Variants in CSRNP3 observed in about 807,000 individuals in gnomAD.
The protein encoded by CSRNP3 is cysteine and serine rich nuclear protein 3.
Under a neutral mutation model 48.0 loss-of-function variants are expected in CSRNP3, and 12 were observed. That is an observed-to-expected ratio of 0.25 (90% CI 0.16 to 0.41). CSRNP3 has a LOEUF of 0.41. CSRNP3 is among the 10% of genes least tolerant of loss of function. The pLI is 1.00. For synonymous variants in CSRNP3, 263 were observed against 269.7 expected (o/e 0.98, Z 0.24); for missense variants, 580 against 724.4 (o/e 0.80, Z 2.29).
At chr2:165,622,430 A>T (rs924013677) in intron 4 of CSRNP3, among the ~76,000 whole-genome samples, 2 of 152,226 alleles carry the variant, frequency 1.3e-5, no homozygotes, top group Admixed American at 1.3e-4. Context: ...AAATAATAAT[A>T]GCTTTAGTTA....
chr2:165,490,253 A>G (rs1684184794), intron 1 of CSRNP3, among the ~76,000 whole-genome samples: 1 of 151,020 alleles, frequency 6.6e-6, no homozygotes. Context: ...GATGTGAAGG[A>G]CCTCTTCAAG....
At chr2:165,502,485 T>C (rs979885304) in intron 2 of CSRNP3, among the ~76,000 whole-genome samples, 9 of 152,102 alleles carry the variant, frequency 5.9e-5, no homozygotes, top group Non-Finnish European at 1.3e-4. Flanking sequence ...TCCACCAATA[T>C]GATTATTGCT....
chr2:165,670,933 A>G (rs767275617), intron 5 of CSRNP3, among the ~76,000 whole-genome samples: 3 of 152,242 alleles, frequency 2.0e-5, no homozygotes, highest in Non-Finnish European at 4.4e-5. Context: ...TACAGGAGAA[A>G]TGATTCAAGT....
chr2:165,636,814 A>C lies in CSRNP3; in HGVS notation c.149-20947A>C, dbSNP rs538302877. On this transcript the variant is annotated intron_variant, in intron 4 of 6. Coordinates refer to ENST00000651982, the MANE Select transcript of CSRNP3 (RefSeq NM_001172173.2). The stretch of plus-strand genomic sequence containing the variant: ...TTATTTTTTAAATAATTAGAGTATT[A>C]AGCATTAATTAGTTCATTTACTAAT... Among the ~76,000 whole-genome samples, 12 of 152,320 alleles carry C rather than the reference A, an allele frequency of 7.9e-5. No individual in the cohort carries two copies. In the South Asian group the frequency reaches 2.5e-3, roughly 32 times the overall value.
At chr2:165,492,989 A>G (rs929872722) in intron 1 of CSRNP3, among the ~76,000 whole-genome samples, 7 of 151,688 alleles carry the variant, frequency 4.6e-5, no homozygotes, top group African/African-American at 1.7e-4. Context: ...CCGACAGAAT[A>G]TGATGATACG....
intron 3 of CSRNP3, among the ~76,000 whole-genome samples, chr2:165,589,430 T>C (rs1685682291): frequency 6.6e-6 from 1 of 152,222 alleles, no homozygotes; most frequent in African/African-American, 2.4e-5. Context: ...ATTGGACAGG[T>C]ATTCTACTTC....
intron 4 of CSRNP3, among the ~76,000 whole-genome samples, chr2:165,637,845 T>C (rs1266845510): frequency 1.3e-5 from 2 of 152,228 alleles, no homozygotes; most frequent in East Asian, 3.8e-4. Context: ...AGTGTACAGA[T>C]ACAGATTCAT....
At position 165,609,531 on chromosome 2, in the gene CSRNP3, T is replaced by C. The variant is rs1189546962; in HGVS notation, c.148+14318T>C. ...ATCCCCCACCTTTGGTTTTCTTATC[T>C]ATAAATACTGATAAAAAAAAAAGTA... is the stretch of plus-strand genomic sequence containing the variant. On this transcript the variant is annotated intron_variant, in intron 4 of 6. Transcript: ENST00000651982. Among the ~76,000 whole-genome samples, 9 of 116,202 alleles carry C rather than the reference T, an allele frequency of 7.7e-5. No individual in the cohort carries two copies. In the East Asian group the frequency reaches 2.4e-3, roughly 31 times the overall value. 76.2% of individuals were successfully genotyped at this position (116,202 alleles called of 152,430 possible).
intron 2 of CSRNP3, among the ~76,000 whole-genome samples, chr2:165,496,222 A>G (rs1249660158): frequency 6.6e-6 from 1 of 152,072 alleles, no homozygotes; most frequent in East Asian, 1.9e-4. Context: ...AGATAAAAAC[A>G]CTTGCGAGAA....
At chr2:165,511,477 T>TC (rs1378932420) in intron 2 of CSRNP3, among the ~76,000 whole-genome samples, 1 of 152,116 alleles carries the variant, frequency 6.6e-6, no homozygotes, top group Non-Finnish European at 1.5e-5. Context: ...GGAAATGGAA[T>TC]CTAAGTCTTA....
intron 4 of CSRNP3, among the ~76,000 whole-genome samples, chr2:165,609,269 C>T (rs1437678588): frequency 6.7e-6 from 1 of 149,872 alleles, no homozygotes; most frequent in Non-Finnish European, 1.5e-5. Context: ...TCCTGGCTAA[C>T]ATGATGAAAC....
chr2:165,569,244 T>A (rs1574841446), intron 3 of CSRNP3, among the ~76,000 whole-genome samples: 1 of 151,998 alleles, frequency 6.6e-6, no homozygotes, highest in African/African-American at 2.4e-5. Context: ...AGCAAGAAAA[T>A]CCAGCCTCAT....
chr2:165,635,002 T>C (rs1343669931), intron 4 of CSRNP3, among the ~76,000 whole-genome samples: 1 of 152,196 alleles, frequency 6.6e-6, no homozygotes, highest in African/African-American at 2.4e-5. Flanking sequence ...AGTGCAGTCC[T>C]GAGGGGAGTG....
chr2:165,597,878 GATTTCA>G (rs2105297801), intron 4 of CSRNP3, among the ~76,000 whole-genome samples: 1 of 152,184 alleles, frequency 6.6e-6, no homozygotes, highest in Non-Finnish European at 1.5e-5. Flanking sequence ...AAATCACAGA[GATTTCA>G]TCCCTTGAAA....
Position 165,679,093 on chromosome 2 carries a change from T to G in CSRNP3, c.1098T>G (p.Pro366=). ...VTDSSTQSLA[P]SESDEEEEEE... ...ATTCTAGCACGCAAAGCTTGGCACC[T>G]AGTGAGTCAGACGAGGAGGAGGAGG... Residue 366 remains proline, a synonymous_variant, in exon 7 of 7, where the codon CCT becomes CCG. Coordinates refer to ENST00000651982, the MANE Select transcript of CSRNP3 (RefSeq NM_001172173.2). 2 of 1,613,428 alleles carry G rather than the reference T, an allele frequency of 1.2e-6. No individual in the cohort carries two copies.
At chr2:165,675,020 T>C (rs1340041233) in intron 5 of CSRNP3, among the ~76,000 whole-genome samples, 1 of 152,122 alleles carries the variant, frequency 6.6e-6, no homozygotes, top group Admixed American at 6.6e-5. Flanking sequence ...GCCTTTGTGA[T>C]ATATTTAGTA....
intron 3 of CSRNP3, among the ~76,000 whole-genome samples, chr2:165,533,668 T>C (rs1684845097): frequency 6.6e-6 from 1 of 152,140 alleles, no homozygotes; most frequent in African/African-American, 2.4e-5. Context: ...TTTTCTCTTC[T>C]GTTTTTTGTC....
intron 1 of CSRNP3, among the ~76,000 whole-genome samples, chr2:165,471,199 T>C (rs1426325723): frequency 6.6e-6 from 1 of 152,056 alleles, no homozygotes; most frequent in Non-Finnish European, 1.5e-5. Context: ...TTAAGTGTCA[T>C]AATGAACCAA....
At chr2:165,571,503 T>C (rs937272764) in intron 3 of CSRNP3, among the ~76,000 whole-genome samples, 1 of 151,892 alleles carries the variant, frequency 6.6e-6, no homozygotes, top group African/African-American at 2.4e-5. Flanking sequence ...ACACACATAT[T>C]TGTATATATA....
Sources: allele counts gnomAD v4.1 joint callset (sites outside exome capture counted in the v4.1 genomes callset), GRCh38; gene constraint gnomAD v4.1.1; transcripts MANE v1.5; gene names NCBI Gene and HGNC (gene_info 2026-07-23, HGNC 2026-07-21).